Variants in SLC24A4 observed in about 807,000 individuals in gnomAD.
SLC24A4 encodes the protein sodium/potassium/calcium exchanger 4.
Under a neutral mutation model 79.0 loss-of-function variants are expected in SLC24A4, and 53 were observed. The ratio of observed to expected loss-of-function variants is 0.67; its 90% CI spans 0.54 to 0.84. The LOEUF (loss-of-function observed/expected upper bound fraction) is 0.84, where lower values mean the gene tolerates loss of function less well. Among genes scored for constraint, SLC24A4 ranks in the 40% least tolerant of loss-of-function variants. SLC24A4 has a pLI of 0.00. For missense variants in SLC24A4, 731 were observed against 822.0 expected (o/e 0.89, Z 1.35); for synonymous variants, 323 against 323.8 (o/e 1.00, Z 0.03).
At chr14:92,431,478 G>T (rs1321234909) in intron 2 of SLC24A4, among the ~76,000 whole-genome samples, 2 of 152,148 alleles carry the variant, frequency 1.3e-5, no homozygotes, top group South Asian at 4.1e-4. Flanking sequence ...AGGGTGGGAG[G>T]CCACAGGGTC....
chr14:92,439,835 C>A (rs1892394006), intron 4 of SLC24A4, among the ~76,000 whole-genome samples: 1 of 152,270 alleles, frequency 6.6e-6, no homozygotes, highest in African/African-American at 2.4e-5. Flanking sequence ...GAATTCCCCT[C>A]TGTCCTGACC....
chr14:92,440,372 C>A (rs532666898), intron 4 of SLC24A4, among the ~76,000 whole-genome samples: 2 of 152,120 alleles, frequency 1.3e-5, no homozygotes, highest in Non-Finnish European at 2.9e-5. Context: ...CTGGGATGAT[C>A]GTGTGGGAGG....
At chr14:92,389,475 G>A (rs1889344915) in intron 2 of SLC24A4, among the ~76,000 whole-genome samples, 1 of 152,194 alleles carries the variant, frequency 6.6e-6, no homozygotes, top group African/African-American at 2.4e-5. Context: ...TCAGCCAGGG[G>A]TCTGTGCAGC....
chr14:92,372,009 G>A (rs941217275), intron 2 of SLC24A4, among the ~76,000 whole-genome samples: 3 of 152,328 alleles, frequency 2.0e-5, no homozygotes, highest in Non-Finnish European at 2.9e-5. Flanking sequence ...GCTGGGCTCT[G>A]GTTCCTCCCC....
At chr14:92,416,427 AG>A (rs1173309447) in intron 2 of SLC24A4, among the ~76,000 whole-genome samples, 23 of 152,180 alleles carry the variant, frequency 1.5e-4, no homozygotes, top group Admixed American at 3.3e-4. Context: ...CCTCTTCCTG[AG>A]GAGGAAACTG....
intron 2 of SLC24A4, among the ~76,000 whole-genome samples, chr14:92,431,818 C>T (rs573957093): frequency 3.3e-5 from 5 of 152,288 alleles, no homozygotes; most frequent in East Asian, 3.9e-4. Flanking sequence ...TGACCAGGTT[C>T]GCACAAGCTC....
chr14:92,381,469 T>C (rs1220722809), intron 2 of SLC24A4, among the ~76,000 whole-genome samples: 1 of 152,058 alleles, frequency 6.6e-6, no homozygotes, highest in African/African-American at 2.4e-5. Context: ...TTAGGACAAA[T>C]ACCTAATGCA....
At chr14:92,447,322 C>T (rs1368004178) in intron 8 of SLC24A4, 49 bp from the exon 9 acceptor site, 2 of 1,582,596 alleles carry the variant, frequency 1.3e-6, no homozygotes, top group East Asian at 2.2e-5. Context: ...CCAGCCTTCA[C>T]CTGCCCCGGG....
At chr14:92,363,027 AT>A (rs1481948158) in intron 2 of SLC24A4, among the ~76,000 whole-genome samples, 2 of 152,136 alleles carry the variant, frequency 1.3e-5, no homozygotes, top group Non-Finnish European at 2.9e-5. Flanking sequence ...GCTCTAGTTA[AT>A]GAAGCTTGGA....
chr14:92,364,173 A>G (rs961497068), intron 2 of SLC24A4, among the ~76,000 whole-genome samples: 2 of 152,232 alleles, frequency 1.3e-5, no homozygotes, highest in African/African-American at 4.8e-5. Context: ...AGTGTGTTGT[A>G]TAATTAACTT....
intron 2 of SLC24A4, among the ~76,000 whole-genome samples, chr14:92,352,124 C>T (rs1273259749): frequency 6.6e-6 from 1 of 152,054 alleles, no homozygotes; most frequent in African/African-American, 2.4e-5. Context: ...GGGTCCTGAC[C>T]ACTAGGGAAA....
chr14:92,370,610 C>T (rs528584044), intron 2 of SLC24A4, among the ~76,000 whole-genome samples: 6 of 151,992 alleles, frequency 3.9e-5, no homozygotes, highest in South Asian at 2.1e-4. Context: ...TGAGAAAATT[C>T]GAGGGTGAGA....
intron 1 of SLC24A4, among the ~76,000 whole-genome samples, chr14:92,324,434 G>A (rs1228175192): frequency 6.6e-6 from 1 of 152,236 alleles, no homozygotes; most frequent in East Asian, 1.9e-4. Flanking sequence ...AAACCCTAAA[G>A]GCGTTGGGGC....
chr14:92,492,865 C>T (rs909295039), intron 16 of SLC24A4: 9 of 455,402 alleles, frequency 2.0e-5, no homozygotes, highest in Non-Finnish European at 3.1e-5. Flanking sequence ...CCCAGGAAGC[C>T]TTGATCGAGG....
Position 92,366,898 on chromosome 14 carries a change from C to T in SLC24A4, c.241+40920C>T, listed in dbSNP as rs1887875349. Among the ~76,000 whole-genome samples the T allele has an allele frequency of 2.6e-5, 4 of 152,134 alleles. No individual in the cohort carries two copies. The South Asian group carries it at 6.2e-4, about 24-fold the overall frequency. On this transcript the variant is annotated intron_variant, in intron 2 of 16. Transcript: ENST00000532405. ...TGGCTCAGAGAGCTAGAGTGACTTGCCCAAGGTCATACAACTAGTAAGGGC... is the reference window on the plus strand; with the variant it reads ...TGGCTCAGAGAGCTAGAGTGACTTGTCCAAGGTCATACAACTAGTAAGGGC...
intron 2 of SLC24A4, among the ~76,000 whole-genome samples, chr14:92,348,029 A>G (rs1177052716): frequency 6.6e-6 from 1 of 152,230 alleles, no homozygotes; most frequent in Non-Finnish European, 1.5e-5. Context: ...CATCATATTC[A>G]AAAGAACAGT....
At chr14:92,376,494 C>A (rs1007215796) in intron 2 of SLC24A4, among the ~76,000 whole-genome samples, 9 of 152,396 alleles carry the variant, frequency 5.9e-5, no homozygotes, top group African/African-American at 2.2e-4. Flanking sequence ...CTTTTCTTTC[C>A]TCTGTGATCC....
intron 12 of SLC24A4, among the ~76,000 whole-genome samples, chr14:92,472,795 A>G (rs1257692167): frequency 6.6e-6 from 1 of 152,208 alleles, no homozygotes; most frequent in Admixed American, 6.5e-5. Flanking sequence ...TCCTCTGGGT[A>G]GATACCCAGG....
intron 2 of SLC24A4, among the ~76,000 whole-genome samples, chr14:92,376,468 C>T (rs990750786): frequency 2.0e-5 from 3 of 152,370 alleles, no homozygotes; most frequent in South Asian, 2.1e-4. Context: ...CTGGGGGCAG[C>T]GTGGGAGACG....
Sources: allele counts gnomAD v4.1 joint callset (sites outside exome capture counted in the v4.1 genomes callset), GRCh38; gene constraint gnomAD v4.1.1; transcripts MANE v1.5; gene names NCBI Gene and HGNC (gene_info 2026-07-23, HGNC 2026-07-21).